B3GALNT2: variants seen among roughly 807,000 people sequenced by gnomAD.
B3GALNT2 encodes the protein UDP-GalNAc:beta-1,3-N-acetylgalactosaminyltransferase 2.
B3GALNT2 carries 53 observed loss-of-function variants against 61.1 expected under a neutral mutation model. The ratio of observed to expected loss-of-function variants is 0.87; its 90% CI spans 0.70 to 1.09. The LOEUF (loss-of-function observed/expected upper bound fraction) is 1.09, where lower values mean the gene tolerates loss of function less well. B3GALNT2 is among the 50% of genes least tolerant of loss of function. The pLI, the probability that B3GALNT2 is intolerant of heterozygous loss-of-function variation, is 0.00. For missense variants in B3GALNT2, 544 were observed against 623.0 expected (o/e 0.87, Z 1.35); for synonymous variants, 223 against 237.4 (o/e 0.94, Z 0.56).
intron 1 of B3GALNT2, among the ~76,000 whole-genome samples, chr1:235,496,490 GC>G (rs1685328665): frequency 6.6e-6 from 1 of 151,386 alleles, no homozygotes; most frequent in Admixed American, 6.6e-5. Flanking sequence ...TCTGTGAAAA[GC>G]ACTACATATA....
At position 235,450,076 on chromosome 1, in the gene B3GALNT2, G is replaced by A. The variant is rs1682798389; in HGVS notation, c.*130C>T. On this transcript the variant is annotated 3_prime_UTR_variant, in exon 12 of 12. Transcript: ENST00000366600. ...TTAAGAAACACCGCATTGGTTCTGG[G>A]TGAAAGTGCCAGTCTGGAACTCTCT... 1.8e-6 allele frequency: 2 copies of A among 1,131,164 alleles called. No individual in the cohort carries two copies. The highest frequency in any genetic ancestry group is 2.5e-6 in the Non-Finnish European group (2 of 789,830). The allele number at this position is 1,131,164 out of a possible 1,614,324, so 70.1% of individuals were successfully genotyped here.
chr1:235,494,445 G>A (rs189268885), intron 2 of B3GALNT2, among the ~76,000 whole-genome samples: 21 of 145,770 alleles, frequency 1.4e-4, no homozygotes, highest in Non-Finnish European at 6.0e-5. Context: ...TCAAAGTAAG[G>A]TTTTTCAGAA....
chr1:235,441,671 A>T, the B3GALNT2 span: 1 of 708,914 alleles, frequency 1.4e-6, no homozygotes, highest in Non-Finnish European at 2.4e-6. Context: ...CCTAAAAATC[A>T]CACTGAATAA....
Position 235,448,363 on chromosome 1 carries a change from C to G in B3GALNT2, c.*1843G>C. ...TCTTTTGATAGGCTCCATGACAATT[C>G]AAAAGGTGAAGGGATTGCTGTCACG... On this transcript the variant is annotated 3_prime_UTR_variant, in exon 12 of 12. Coordinates refer to ENST00000366600, the MANE Select transcript of B3GALNT2 (RefSeq NM_152490.5). 1 of 1,613,936 alleles carries G rather than the reference C, an allele frequency of 6.2e-7. No individual in the cohort carries two copies.
chr1:235,440,182 G>C, the B3GALNT2 span, among the ~76,000 whole-genome samples: 1 of 152,120 alleles, frequency 6.6e-6, no homozygotes, highest in South Asian at 2.1e-4. Context: ...GTGTTAGCCA[G>C]GATGGTCTCG....
At chr1:235,490,411 A>G (rs935064728) in intron 2 of B3GALNT2, among the ~76,000 whole-genome samples, 4 of 152,094 alleles carry the variant, frequency 2.6e-5, no homozygotes, top group Non-Finnish European at 5.9e-5. Flanking sequence ...TTGTATTTTT[A>G]GTAGAGACGG....
Position 235,448,850 on chromosome 1 carries a change from TCAAAA to T in B3GALNT2, c.*1351_*1355del, listed in dbSNP as rs996244211. 8.8e-6 allele frequency: 9 copies of T among 1,016,982 alleles called. No individual in the cohort carries two copies. Among genetic ancestry groups the T allele is most frequent in the African/African-American group, 7.9e-5 (5 of 63,130 alleles). 63.0% of individuals were successfully genotyped at this position (1,016,982 alleles called of 1,614,324 possible). On this transcript the variant is annotated 3_prime_UTR_variant, in exon 12 of 12. Transcript: ENST00000366600. Reference sequence around the variant, plus strand: ...ATGATTCACTGGAACAATTCTACTGTCAAAACAAAGGGGGTTTACAACTTGTCCTA... The same window carrying T: ...ATGATTCACTGGAACAATTCTACTGTCAAAGGGGGTTTACAACTTGTCCTA...
chr1:235,495,246 TATA>T (rs1685263242), intron 1 of B3GALNT2, among the ~76,000 whole-genome samples: 1 of 152,182 alleles, frequency 6.6e-6, no homozygotes, highest in Admixed American at 6.5e-5. Flanking sequence ...ACAAAATGGG[TATA>T]ATAATACTTC....
chr1:235,455,923 A>G (rs775335210), intron 8 of B3GALNT2, among the ~76,000 whole-genome samples: 10 of 152,242 alleles, frequency 6.6e-5, no homozygotes, highest in Non-Finnish European at 1.5e-4. Flanking sequence ...AGGCAAAGAA[A>G]GAGCATATTG....
At chr1:235,445,788 C>T (rs1306059686), downstream of B3GALNT2, among the ~76,000 whole-genome samples, 1 of 152,026 alleles carries the variant, frequency 6.6e-6, no homozygotes. Context: ...TACACATATG[C>T]TCTGACCAAG....
intron 5 of B3GALNT2, among the ~76,000 whole-genome samples, chr1:235,474,254 CT>C (rs897151736): frequency 8.5e-5 from 13 of 152,138 alleles, no homozygotes; most frequent in African/African-American, 2.9e-4. Context: ...TGGCAATTCC[CT>C]TACTAAGATC....
intron 4 of B3GALNT2, among the ~76,000 whole-genome samples, chr1:235,481,231 G>A (rs1363122862): frequency 6.6e-6 from 1 of 152,104 alleles, no homozygotes; most frequent in Non-Finnish European, 1.5e-5. Flanking sequence ...CTTCCTTGAG[G>A]ACAAAGATTA....
intron 4 of B3GALNT2, 150 bp downstream of exon 4, chr1:235,484,172 G>A (rs1204950590): frequency 1.1e-5 from 13 of 1,222,416 alleles, no homozygotes; most frequent in Non-Finnish European, 1.4e-5. Context: ...TCACACTACA[G>A]TGTATTTAGT....
At chr1:235,466,299 C>T (rs570212725) in intron 6 of B3GALNT2, among the ~76,000 whole-genome samples, 18 of 150,774 alleles carry the variant, frequency 1.2e-4, no homozygotes, top group African/African-American at 4.4e-4. Context: ...GAACTCCTGA[C>T]CTCAGGTGAT....
intron 7 of B3GALNT2, among the ~76,000 whole-genome samples, chr1:235,463,053 A>C (rs1362955863): frequency 6.6e-6 from 1 of 152,246 alleles, no homozygotes; most frequent in African/African-American, 2.4e-5. Context: ...CAGCCATAAA[A>C]AGAAACAAAA....
At chr1:235,498,891 T>C (rs1203550532) in intron 1 of B3GALNT2, among the ~76,000 whole-genome samples, 1 of 146,766 alleles carries the variant, frequency 6.8e-6, no homozygotes, top group Non-Finnish European at 1.5e-5. Context: ...CTCTTTTTCA[T>C]TGCGGGAAGG....
chr1:235,454,368 A>G, intron 9 of B3GALNT2, 53 bp from the exon 10 acceptor site: 1 of 1,478,160 alleles, frequency 6.8e-7, no homozygotes, highest in Non-Finnish European at 9.3e-7. Flanking sequence ...ATATCCTGCC[A>G]CTATTAAAAC....
intron 1 of B3GALNT2, among the ~76,000 whole-genome samples, chr1:235,495,179 C>G (rs1426759372): frequency 6.6e-6 from 1 of 152,154 alleles, no homozygotes; most frequent in African/African-American, 2.4e-5. Flanking sequence ...AGAATCCAGG[C>G]TCTATCATAT....
intron 7 of B3GALNT2, chr1:235,463,769 A>G (rs1295141077): frequency 9.9e-5 from 15 of 151,942 alleles, no homozygotes; most frequent in African/African-American, 3.6e-4. Flanking sequence ...GGGTTTCACC[A>G]TGTTGGTCAG....
Sources: gnomAD v4.1 joint callset for allele counts (sites outside exome capture counted in the v4.1 genomes callset) on GRCh38, gnomAD v4.1.1 for gene constraint, MANE v1.5 for transcripts, NCBI Gene and HGNC (gene_info 2026-07-23, HGNC 2026-07-21) for gene names.